OSBPL8: variants seen among roughly 807,000 people sequenced by gnomAD.
OSBPL8 encodes the protein oxysterol binding protein like 8.
OSBPL8 carries 59 observed loss-of-function variants against 125.5 expected under a neutral mutation model. The observed-to-expected ratio is 0.47, with a 90% confidence interval of 0.38 to 0.58. The LOEUF (loss-of-function observed/expected upper bound fraction) is 0.58, where lower values mean the gene tolerates loss of function less well. Ranked by LOEUF, OSBPL8 falls within the 20% of genes least tolerant of loss-of-function variation. OSBPL8 has a pLI of 0.00. For synonymous variants in OSBPL8, 330 were observed against 338.9 expected (o/e 0.97, Z 0.29); for missense variants, 758 against 1,047.8 (o/e 0.72, Z 3.82).
chr12:76,515,701 G>C (rs1350776990), intron 1 of OSBPL8, among the ~76,000 whole-genome samples: 1 of 152,028 alleles, frequency 6.6e-6, no homozygotes, highest in African/African-American at 2.4e-5. Context: ...GAGCAGGGGA[G>C]GTTCCCCTGC....
chr12:76,547,938 T>C (rs566778587), intron 1 of OSBPL8, among the ~76,000 whole-genome samples: 14 of 152,242 alleles, frequency 9.2e-5, no homozygotes, highest in African/African-American at 3.1e-4. Flanking sequence ...CCAAGCGGCA[T>C]AAAGGCACAA....
At chr12:76,393,048 A>G (rs943805844) in intron 9 of OSBPL8, among the ~76,000 whole-genome samples, 32 of 152,354 alleles carry the variant, frequency 2.1e-4, no homozygotes, top group African/African-American at 7.5e-4. Flanking sequence ...TATAATTTGA[A>G]GGTATCAAGC....
At chr12:76,463,302 G>T (rs1315259011) in intron 2 of OSBPL8, among the ~76,000 whole-genome samples, 7 of 152,158 alleles carry the variant, frequency 4.6e-5, no homozygotes, top group Non-Finnish European at 1.0e-4. Flanking sequence ...ATGATGTCAA[G>T]TGTTGGGGTT....
intron 3 of OSBPL8, among the ~76,000 whole-genome samples, chr12:76,451,818 G>A (rs1329739347): frequency 6.6e-6 from 1 of 152,030 alleles, no homozygotes; most frequent in Non-Finnish European, 1.5e-5. Context: ...ATATTCCTGT[G>A]CTTTCAGCCT....
chr12:76,430,593 T>C (rs549692979), intron 4 of OSBPL8, among the ~76,000 whole-genome samples: 1 of 152,302 alleles, frequency 6.6e-6, no homozygotes, highest in Admixed American at 6.5e-5. Context: ...TCAAAATGAT[T>C]TTCTTAAAGA....
At chr12:76,530,696 A>T (rs1950312808) in intron 1 of OSBPL8, among the ~76,000 whole-genome samples, 2 of 152,172 alleles carry the variant, frequency 1.3e-5, no homozygotes, top group South Asian at 4.1e-4. Context: ...AAGAGTGCCT[A>T]TCACAGGAGG....
chr12:76,356,162 T>TGG lies in OSBPL8; in HGVS notation c.2538-143_2538-142dup. 77 of 136,862 alleles carry TGG rather than the reference T, an allele frequency of 5.6e-4. 4 individuals carry two copies. The highest frequency in any genetic ancestry group is 1.8e-3 in the South Asian group (17 of 9,326). 8.5% of individuals were successfully genotyped at this position (136,862 alleles called of 1,614,324 possible). A position where few individuals can be genotyped will look rare whatever the true frequency, so the allele number is the denominator to read the frequency against. ...TGGGTCATGGGGTGGTATGTAGGGG[T>TGG]GGGGGGGGGCGGGGTCTGGGACTGC... On this transcript the variant is annotated intron_variant, in intron 23 of 23. Coordinates refer to ENST00000261183, the MANE Select transcript of OSBPL8 (RefSeq NM_020841.5).
chr12:76,530,035 T>C (rs537461470), intron 1 of OSBPL8, among the ~76,000 whole-genome samples: 34 of 152,166 alleles, frequency 2.2e-4, no homozygotes. Flanking sequence ...CTTTAACATG[T>C]CAAGCAGATT....
intron 20 of OSBPL8, 104 bp from the exon 21 acceptor site, chr12:76,369,405 T>C (rs1338881360): frequency 1.4e-6 from 2 of 1,442,856 alleles, no homozygotes; most frequent in African/African-American, 2.9e-5. Context: ...ATATACATAG[T>C]TCTAATAATG....
intron 1 of OSBPL8, among the ~76,000 whole-genome samples, chr12:76,542,209 T>C (rs1301185536): frequency 1.3e-5 from 2 of 152,076 alleles, no homozygotes; most frequent in Non-Finnish European, 2.9e-5. Flanking sequence ...TAAAGCATAA[T>C]GCTTACTTCA....
intron 4 of OSBPL8, among the ~76,000 whole-genome samples, chr12:76,417,494 AAGAC>A (rs1390354144): frequency 1.3e-5 from 2 of 152,196 alleles, no homozygotes; most frequent in East Asian, 3.8e-4. Context: ...TGACCAAAAA[AAGAC>A]AGCTTTTTCC....
At chr12:76,512,358 T>C (rs562756200) in intron 1 of OSBPL8, among the ~76,000 whole-genome samples, 5 of 152,322 alleles carry the variant, frequency 3.3e-5, no homozygotes, top group South Asian at 4.1e-4. Context: ...CATTTTCTTT[T>C]TTCAGTCTGT....
chr12:76,549,606 T>C (rs1489997425), intron 1 of OSBPL8, among the ~76,000 whole-genome samples: 3 of 152,132 alleles, frequency 2.0e-5, no homozygotes, highest in African/African-American at 7.2e-5. Flanking sequence ...TTTCACTATG[T>C]TGGCCAGGCT....
At chr12:76,471,207 T>C (rs925805799) in intron 2 of OSBPL8, among the ~76,000 whole-genome samples, 2 of 152,196 alleles carry the variant, frequency 1.3e-5, no homozygotes, top group African/African-American at 2.4e-5. Flanking sequence ...TACAGTATTA[T>C]AGAAAGGATT....
At chr12:76,509,019 C>G (rs1023217462) in intron 1 of OSBPL8, among the ~76,000 whole-genome samples, 4 of 152,200 alleles carry the variant, frequency 2.6e-5, no homozygotes, top group Non-Finnish European at 5.9e-5. Context: ...GAATTCACCT[C>G]AAATTCTTTC....
chr12:76,374,398 G>C lies in OSBPL8; in HGVS notation c.1827+875C>G, dbSNP rs139647689. On this transcript the variant is annotated intron_variant, in intron 17 of 23. Coordinates refer to ENST00000261183, the MANE Select transcript of OSBPL8 (RefSeq NM_020841.5). ...AGTGGGGTCTATATTTCTTCTCCTT[G>C]AATTTGGGTGGTCTTACAATTCTCC... Among the ~76,000 whole-genome samples the C allele has an allele frequency of 8.0e-4, 121 of 152,162 alleles. 2 individuals carry two copies. In the South Asian group the frequency reaches 0.023, roughly 29 times the overall value.
chr12:76,386,652 A>G lies in OSBPL8; in HGVS notation c.1361T>C (p.Leu454Pro). Residue 454 changes from leucine to proline, a missense_variant, in exon 13 of 24, where the codon CTT (leucine) becomes CCT (proline). Leu to Pro is a moderately conservative substitution (Grantham distance 98). Around this residue, in one of 3 missense-constraint regions of OSBPL8, gnomAD observed 572 missense variants for 762.0 expected, o/e 0.75. Coordinates refer to ENST00000261183, the MANE Select transcript of OSBPL8 (RefSeq NM_020841.5). ...CAAACGGAAATAAGGATTTTCTTCAAGAGCTGCCCTAAAACACAAAACGGT... is the reference window on the plus strand; with the variant it reads ...CAAACGGAAATAAGGATTTTCTTCAGGAGCTGCCCTAAAACACAAAACGGT... ...YHADFLSEAA[L>P]EENPYFRLKK... The G allele has an allele frequency of 6.2e-7, 1 of 1,603,490 alleles. No individual in the cohort carries two copies. The highest frequency in any genetic ancestry group is 8.5e-7 in the Non-Finnish European group (1 of 1,174,500).
At chr12:76,527,737 A>G (rs1950218648) in intron 1 of OSBPL8, among the ~76,000 whole-genome samples, 2 of 152,208 alleles carry the variant, frequency 1.3e-5, no homozygotes, top group South Asian at 4.1e-4. Context: ...TTGAGTTGCA[A>G]TACAGAAGAG....
At chr12:76,379,536 T>C (rs1952957951) in intron 15 of OSBPL8, among the ~76,000 whole-genome samples, 1 of 152,164 alleles carries the variant, frequency 6.6e-6, no homozygotes, top group Non-Finnish European at 1.5e-5. Flanking sequence ...AGTCAATCCT[T>C]TCCCTTAGCC....
Sources: gnomAD v4.1 joint callset for allele counts (sites outside exome capture counted in the v4.1 genomes callset) on GRCh38, gnomAD v4.1.1 for gene constraint, gnomAD v4.1.1 regional missense constraint, MANE v1.5 for transcripts, NCBI Gene and HGNC (gene_info 2026-07-23, HGNC 2026-07-21) for gene names.